The following PRPF19 variants were observed in gnomAD, a reference collection of about 807,000 sequenced individuals.
PRPF19 encodes the protein pre-mRNA processing factor 19.
In PRPF19, 2 loss-of-function variants were observed where a neutral mutation model predicts 64.2. The observed-to-expected ratio is 0.03, with a 90% CI of 0.01 to 0.10. The LOEUF (loss-of-function observed/expected upper bound fraction) is 0.10. PRPF19 is among the 10% of genes least tolerant of loss of function. The probability of loss-of-function intolerance (pLI) is 1.00; values close to 1 mark genes in which losing one functional copy is unlikely to be tolerated. For synonymous variants in PRPF19, 226 were observed against 251.6 expected (o/e 0.90, Z 0.96); for missense variants, 314 against 650.0 (o/e 0.48, Z 5.62).
rs905926841 is a variant in PRPF19 at position 60,890,899 on chromosome 11, G to C, written c.*267C>G. On this transcript the variant is annotated 3_prime_UTR_variant, in exon 16 of 16. Transcript: ENST00000227524. ...ACCACGTCCATTGAACGACAGGAAG[G>C]GAGAGGCCCTGGGCTCCGACCCTGG... 4 of 576,782 alleles carry C rather than the reference G, an allele frequency of 6.9e-6. No homozygotes were observed. The highest frequency in any genetic ancestry group is 1.3e-5 in the Non-Finnish European group (4 of 305,786). 35.7% of individuals were successfully genotyped at this position (576,782 alleles called of 1,614,324 possible). A position where few individuals can be genotyped will look rare whatever the true frequency, so the allele number is the denominator to read the frequency against.
rs947958798 is a variant in PRPF19 at position 60,901,257 on chromosome 11, A to G, written c.642+38T>C. On this transcript the variant is annotated intron_variant, in intron 8 of 15. Transcript: ENST00000227524. ...CCGCCCACCCCAGAAACAAAACGGG[A>G]GGGCTGTCTCCAAGACAGTGGAGAC... 4.4e-6 allele frequency: 7 copies of G among 1,604,846 alleles called. No individual in the cohort carries two copies. In the African/African-American group the frequency reaches 9.4e-5, roughly 21 times the overall value.
Position 60,906,455 on chromosome 11 carries a change from T to C in PRPF19, c.-73A>G, listed in dbSNP as rs1369960001. On this transcript the variant is annotated 5_prime_UTR_variant, in exon 1 of 16. Transcript: ENST00000227524. ...AGCTTCTGAGCCTCCGCGAGCCACTTCCGGTCCCCCGCTGCTGCCGGGACT... is the reference window on the plus strand; with the variant it reads ...AGCTTCTGAGCCTCCGCGAGCCACTCCCGGTCCCCCGCTGCTGCCGGGACT... The C allele has an allele frequency of 2.0e-6, 3 of 1,480,598 alleles. No homozygotes were observed. Among genetic ancestry groups the C allele is most frequent in the East Asian group, 2.5e-5 (1 of 40,588 alleles). 91.7% of individuals were successfully genotyped at this position (1,480,598 alleles called of 1,614,324 possible).
At chr11:60,899,113 C>A (rs1590606747) in intron 11 of PRPF19, 36 bp downstream of exon 11, 1 of 1,591,606 alleles carries the variant, frequency 6.3e-7, no homozygotes, top group East Asian at 2.3e-5. Flanking sequence ...GCTTGGGGAC[C>A]AGCAGGCCTC....
intron 6 of PRPF19, among the ~76,000 whole-genome samples, chr11:60,901,883 A>G (rs1167750242): frequency 1.3e-5 from 2 of 152,226 alleles, no homozygotes; most frequent in Non-Finnish European, 1.5e-5. Context: ...ACACATGCTG[A>G]CAATTTGAAC....
At position 60,903,507 on chromosome 11, in the gene PRPF19, G is replaced by C. The variant is rs950503044; in HGVS notation, c.198C>G (p.Pro66=). The change falls in exon 3 of 16, where the codon CCC becomes CCG. Residue 66 remains proline, a synonymous_variant. Transcript: ENST00000227524. ...KVAHPIRPKP[P]SATSIPAILK... ...GAATGGCCGGGATGCTGGTGGCTGA[G>C]GGAGGCTTGGGCCGGATTGGGTGAG... 1 of 1,614,082 alleles carries C rather than the reference G, an allele frequency of 6.2e-7. No homozygotes were observed. The highest frequency in any genetic ancestry group is 8.5e-7 in the Non-Finnish European group (1 of 1,180,010).
chr11:60,901,235 C>T (rs1855981265), intron 8 of PRPF19, 60 bp downstream of exon 8: 6 of 1,580,966 alleles, frequency 3.8e-6, no homozygotes, highest in South Asian at 1.1e-5. Flanking sequence ...TGCTGGCCCG[C>T]CCACCCCAGA....
chr11:60,901,464 C>A, intron 7 of PRPF19, 35 bp downstream of exon 7: 1 of 1,614,150 alleles, frequency 6.2e-7, no homozygotes, highest in Non-Finnish European at 8.5e-7. Flanking sequence ...CCCACCAGGC[C>A]AGCTCTTTCT....
intron 15 of PRPF19, among the ~76,000 whole-genome samples, chr11:60,894,344 C>T (rs1855897709): frequency 6.6e-6 from 1 of 152,202 alleles, no homozygotes; most frequent in Non-Finnish European, 1.5e-5. Context: ...ATTCTAAATC[C>T]TTCATTATCA....
intron 1 of PRPF19, among the ~76,000 whole-genome samples, chr11:60,905,777 T>C (rs992700826): frequency 3.3e-5 from 5 of 152,242 alleles, no homozygotes; most frequent in African/African-American, 7.2e-5. Context: ...TGGAAGCGCG[T>C]TGTAAACCAA....
intron 15 of PRPF19, among the ~76,000 whole-genome samples, chr11:60,896,561 T>C (rs943604556): frequency 1.3e-5 from 2 of 152,254 alleles, no homozygotes; most frequent in Admixed American, 6.5e-5. Context: ...TGAGGGGCTT[T>C]AGCCCCTTTG....
At chr11:60,894,311 TTTATCAA>T (rs1590604396) in intron 15 of PRPF19, among the ~76,000 whole-genome samples, 1 of 152,252 alleles carries the variant, frequency 6.6e-6, no homozygotes, top group East Asian at 1.9e-4. Context: ...CTGCACCTGC[TTTATCAA>T]TTAAGTTTAT....
At chr11:60,895,568 G>A (rs895835686) in intron 15 of PRPF19, among the ~76,000 whole-genome samples, 2 of 152,272 alleles carry the variant, frequency 1.3e-5, no homozygotes, top group East Asian at 3.9e-4. Flanking sequence ...TCATTTGTGC[G>A]TTCACTGGAG....
At chr11:60,900,280 C>T (rs185596106) in intron 10 of PRPF19, among the ~76,000 whole-genome samples, 79 of 152,304 alleles carry the variant, frequency 5.2e-4, no homozygotes, top group African/African-American at 1.8e-3. Context: ...GCTTTGTTTT[C>T]TGTAGTTTAT....
rs752455658 is a variant in PRPF19, at chr11:60,900,880, G to A, written c.692C>T (p.Pro231Leu). 4.3e-6 allele frequency: 7 copies of A among 1,614,108 alleles called. No homozygotes were observed. Among genetic ancestry groups the A allele is most frequent in the South Asian group, 1.1e-5 (1 of 91,076 alleles). The change falls in exon 9 of 16, where the codon CCG becomes CTG. Residue 231 changes from proline (P) to leucine (L), a missense_variant. Coordinates refer to ENST00000227524, the MANE Select transcript of PRPF19 (RefSeq NM_014502.5). ...AGTGAGGATCTTGTTGGTGTCGGAC[G>A]GGCAGAGGTCCAGGGCCAGGATCCC... ...IPGILALDLC[P>L]SDTNKILTGG... is the part of the protein sequence containing the mutation.
At position 60,898,760 on chromosome 11, in the gene PRPF19, G is replaced by A. The variant is rs1003996358; in HGVS notation, c.1054+102C>T. On this transcript the variant is annotated intron_variant, in intron 12 of 15. Coordinates refer to ENST00000227524, the MANE Select transcript of PRPF19 (RefSeq NM_014502.5). This position sits in a 1 kb window ranked among gnomAD's most constrained non-coding sequence, Gnocchi z 4.6. ...AAGCCCGCACTAGACAGGTGCTCAT[G>A]GTAAATATATCTTTAGAACAAATAA... 2.6e-6 allele frequency: 4 copies of A among 1,516,584 alleles called. No homozygotes were observed. The East Asian group carries it at 9.6e-5, about 37-fold the overall frequency. 93.9% of individuals were successfully genotyped at this position (1,516,584 alleles called of 1,614,324 possible). A position where few individuals can be genotyped will look rare whatever the true frequency, so the allele number is the denominator to read the frequency against.
intron 15 of PRPF19, among the ~76,000 whole-genome samples, chr11:60,892,898 C>T (rs997456240): frequency 6.6e-6 from 1 of 152,160 alleles, no homozygotes; most frequent in Non-Finnish European, 1.5e-5. Flanking sequence ...ACTTTTATTA[C>T]CTGAGAGACT....
Position 60,891,244 on chromosome 11 carries a change from T to C in PRPF19, c.1437A>G (p.Thr479=), listed in dbSNP as rs1279264911. The change falls in exon 16 of 16, where the codon ACA becomes ACG. Residue 479 remains threonine (T), a synonymous_variant. Coordinates refer to ENST00000227524, the MANE Select transcript of PRPF19 (RefSeq NM_014502.5). ...LHFTEHSGLT[T]GVAFGHHAKF... ...TGGCGTGATGCCCGAAGGCCACCCC[T>C]GTGGTCAGGCCGCTATGCTCTGAGG... is the stretch of plus-strand genomic sequence containing the variant. 1.9e-6 allele frequency: 3 copies of C among 1,613,406 alleles called. No homozygotes were observed. Among genetic ancestry groups the C allele is most frequent in the African/African-American group, 1.3e-5 (1 of 74,886 alleles).
In PRPF19 at chr11:60,900,561, G is replaced by A. The variant is rs17155466; in HGVS notation, c.828+21C>T. On this transcript the variant is annotated intron_variant, in intron 10 of 15. Transcript: ENST00000227524. The stretch of plus-strand genomic sequence containing the variant: ...ACAGCCAAGGAAAGAAGAACCAAGG[G>A]TGGCGAGGAGAACCCCTTACCTGGG... 7.7e-3 allele frequency: 11,559 copies of A among 1,507,630 alleles called. 468 individuals are homozygous for A. The African/African-American group carries it at 0.096, about 12-fold the overall frequency. The allele number at this position is 1,507,630 out of a possible 1,614,324, so 93.4% of individuals were successfully genotyped here.
rs1186429225 is a variant in PRPF19, at chr11:60,899,308, C to T, written c.829-4G>A. ...GGGAAGCAGAAAACACCAGGTCCTA[C>T]AAGGAAAACAAAGACAGAATATCAG... On this transcript the variant is annotated splice_region_variant and splice_polypyrimidine_tract_variant and intron_variant, in intron 10 of 15. Transcript: ENST00000227524. The T allele has an allele frequency of 1.2e-6, 2 of 1,607,982 alleles. No individual in the cohort carries two copies. Among genetic ancestry groups the T allele is most frequent in the Non-Finnish European group, 1.7e-6 (2 of 1,174,654 alleles).
Sources: allele counts gnomAD v4.1 joint callset (sites outside exome capture counted in the v4.1 genomes callset), GRCh38; gene constraint gnomAD v4.1.1; non-coding constraint Gnocchi (gnomAD v3.1); transcripts MANE v1.5; gene names NCBI Gene and HGNC (gene_info 2026-07-23, HGNC 2026-07-21).